FEZ2: variants seen among roughly 807,000 people sequenced by gnomAD.
FEZ2 encodes fasciculation and elongation protein zeta-2.
Under a neutral mutation model 40.4 loss-of-function variants are expected in FEZ2, and 51 were observed. That is an observed-to-expected ratio of 1.26 (90% CI 1.01 to 1.59). The LOEUF (loss-of-function observed/expected upper bound fraction) is 1.59. Among genes scored for constraint, FEZ2 ranks in the 40% most tolerant of loss-of-function variants. The pLI, the probability that FEZ2 is intolerant of heterozygous loss-of-function variation, is 0.00. For synonymous variants in FEZ2, 242 were observed against 172.0 expected (o/e 1.41, Z -3.18); for missense variants, 640 against 438.3 (o/e 1.46, Z -4.11).
At position 36,553,015 on chromosome 2, in the gene FEZ2, T is replaced by C; in HGVS notation, c.*148A>G. 1.6e-6 allele frequency: 1 copy of C among 617,278 alleles called. No homozygotes were observed. 38.2% of individuals were successfully genotyped at this position (617,278 alleles called of 1,614,324 possible). A position where few individuals can be genotyped will look rare whatever the true frequency, so the allele number is the denominator to read the frequency against. On this transcript the variant is annotated 3_prime_UTR_variant, in exon 8 of 8. Coordinates refer to ENST00000405912, the MANE Select transcript of FEZ2 (RefSeq NM_005102.3). ...TCCGTTGGTTCTATAATATAAAGAA[T>C]TAGTGTAGTCAAGATCTGTTAATAC...
chr2:36,589,371 G>A (rs1448707469), intron 2 of FEZ2, among the ~76,000 whole-genome samples: 1 of 152,206 alleles, frequency 6.6e-6, no homozygotes, highest in Non-Finnish European at 1.5e-5. Context: ...AGGGGAGTGT[G>A]TTTTCCTTCC....
intron 5 of FEZ2, among the ~76,000 whole-genome samples, chr2:36,570,748 T>A (rs972822039): frequency 1.3e-5 from 2 of 152,182 alleles, no homozygotes; most frequent in African/African-American, 4.8e-5. Flanking sequence ...TAGACAACAG[T>A]AACACAATGG....
chr2:36,583,293 G>A (rs1668804457), intron 3 of FEZ2, 60 bp downstream of exon 3: 2 of 852,038 alleles, frequency 2.3e-6, no homozygotes, highest in Non-Finnish European at 4.0e-6. Context: ...GTCATAACAA[G>A]AAGCCGTTTT....
intron 1 of FEZ2, among the ~76,000 whole-genome samples, chr2:36,597,277 G>C (rs993325970): frequency 1.3e-5 from 2 of 152,054 alleles, no homozygotes; most frequent in African/African-American, 4.8e-5. Context: ...CCACTCATCA[G>C]TCAGATCTCG....
intron 6 of FEZ2, 24 bp from the exon 7 acceptor site, chr2:36,555,772 AAGAC>A: frequency 7.1e-7 from 1 of 1,404,156 alleles, no homozygotes; most frequent in East Asian, 2.3e-5. Flanking sequence ...GAGGGGAAAA[AAGAC>A]AACAATTAAA....
intron 5 of FEZ2, among the ~76,000 whole-genome samples, chr2:36,569,532 A>T (rs1171928036): frequency 6.6e-6 from 1 of 152,264 alleles, no homozygotes; most frequent in African/African-American, 2.4e-5. Context: ...AACAATAAAA[A>T]GAAAAGAGCT....
At chr2:36,564,811 T>A (rs1668188352) in intron 5 of FEZ2, among the ~76,000 whole-genome samples, 1 of 152,136 alleles carries the variant, frequency 6.6e-6, no homozygotes, top group Non-Finnish European at 1.5e-5. Context: ...GTCTTGCAAT[T>A]CTCATTCAAT....
intron 6 of FEZ2, 192 bp from the exon 7 acceptor site, chr2:36,555,940 C>A (rs1184262273): frequency 1.5e-6 from 1 of 678,706 alleles, no homozygotes; most frequent in South Asian, 1.6e-5. Flanking sequence ...GGAGTAAGTC[C>A]ACAAGAATTT....
chr2:36,587,535 A>G (rs1324649733), intron 2 of FEZ2, among the ~76,000 whole-genome samples: 1 of 152,232 alleles, frequency 6.6e-6, no homozygotes, highest in Admixed American at 6.5e-5. Context: ...TAAAAAAGAC[A>G]TATCAAATTT....
chr2:36,584,061 C>A (rs1668832967), intron 2 of FEZ2: 1 of 152,374 alleles, frequency 6.6e-6, no homozygotes, highest in Non-Finnish European at 1.5e-5. Context: ...GCTCTGCGCT[C>A]CAGGAGGACG....
intron 5 of FEZ2, among the ~76,000 whole-genome samples, chr2:36,566,519 A>G (rs1212742544): frequency 6.6e-6 from 1 of 152,204 alleles, no homozygotes; most frequent in East Asian, 1.9e-4. Context: ...CTTCTTTCAT[A>G]TGCTCCAAAA....
In FEZ2 at chr2:36,597,834, A is replaced by G. The variant is rs978827914; in HGVS notation, c.266+43T>C. 18 of 1,310,872 alleles carry G rather than the reference A, an allele frequency of 1.4e-5. No individual in the cohort carries two copies. In the African/African-American group the frequency reaches 2.5e-4, roughly 18 times the overall value. 81.2% of individuals were successfully genotyped at this position (1,310,872 alleles called of 1,614,324 possible). A position where few individuals can be genotyped will look rare whatever the true frequency, so the allele number is the denominator to read the frequency against. ...TAGGGCTGCCGGTCGGGCGAGGGGTAGGGGAGGCTCCCGCCCACTCCCGGC... is the reference window on the plus strand; with the variant it reads ...TAGGGCTGCCGGTCGGGCGAGGGGTGGGGGAGGCTCCCGCCCACTCCCGGC... On this transcript the variant is annotated intron_variant, in intron 1 of 7. Coordinates refer to ENST00000405912, the MANE Select transcript of FEZ2 (RefSeq NM_005102.3).
In FEZ2 at chr2:36,552,609, A is replaced by G. The variant is rs930107711; in HGVS notation, c.*554T>C. The G allele has an allele frequency of 4.1e-6, 1 of 242,052 alleles. No individual in the cohort carries two copies. The highest frequency in any genetic ancestry group is 8.2e-6 in the Non-Finnish European group (1 of 122,324). 15.0% of individuals were successfully genotyped at this position (242,052 alleles called of 1,614,324 possible). A position where few individuals can be genotyped will look rare whatever the true frequency, so the allele number is the denominator to read the frequency against. ...CAAGCTACAAAATCCATCACCACCAACAGTTTCAATGTTAGCACTAAGTAT... is the reference window on the plus strand; with the variant it reads ...CAAGCTACAAAATCCATCACCACCAGCAGTTTCAATGTTAGCACTAAGTAT... On this transcript the variant is annotated 3_prime_UTR_variant, in exon 8 of 8. Coordinates refer to ENST00000405912, the MANE Select transcript of FEZ2 (RefSeq NM_005102.3).
chr2:36,578,099 T>C (rs1041775379), intron 5 of FEZ2, among the ~76,000 whole-genome samples: 1 of 152,230 alleles, frequency 6.6e-6, no homozygotes, highest in Non-Finnish European at 1.5e-5. Flanking sequence ...CTTACCTTCT[T>C]GTATTCCAAC....
At chr2:36,562,225 GAATTT>G (rs1223076801) in intron 5 of FEZ2, among the ~76,000 whole-genome samples, 1 of 151,888 alleles carries the variant, frequency 6.6e-6, no homozygotes, top group Non-Finnish European at 1.5e-5. Flanking sequence ...TCTTTATAAT[GAATTT>G]ATTTTTGGTA....
intron 1 of FEZ2, among the ~76,000 whole-genome samples, chr2:36,591,744 C>T (rs1447131644): frequency 6.6e-6 from 1 of 152,128 alleles, no homozygotes; most frequent in East Asian, 1.9e-4. Context: ...ATGGTAAGGG[C>T]ATTTGACTGA....
At position 36,552,720 on chromosome 2, in the gene FEZ2, G is replaced by A; in HGVS notation, c.*443C>T. Reference sequence around the variant, plus strand: ...TCAATCTCTCTGAACAATACTGGTAGGTAATAGTTACACTGACAATTCTCA... The same window carrying A: ...TCAATCTCTCTGAACAATACTGGTAAGTAATAGTTACACTGACAATTCTCA... On this transcript the variant is annotated 3_prime_UTR_variant, in exon 8 of 8. Transcript: ENST00000405912. 5.2e-6 allele frequency: 1 copy of A among 191,522 alleles called. No homozygotes were observed. Among genetic ancestry groups the A allele is most frequent in the Admixed American group, 5.5e-5 (1 of 18,252 alleles). The allele number at this position is 191,522 out of a possible 1,614,324, so 11.9% of individuals were successfully genotyped here.
intron 5 of FEZ2, among the ~76,000 whole-genome samples, chr2:36,570,159 T>C (rs1668367253): frequency 6.6e-6 from 1 of 152,076 alleles, no homozygotes; most frequent in South Asian, 2.1e-4. Flanking sequence ...CTTGTTTTAA[T>C]ACTTCAAATA....
chr2:36,562,903 A>G (rs1668129423), intron 5 of FEZ2, among the ~76,000 whole-genome samples: 1 of 152,328 alleles, frequency 6.6e-6, no homozygotes, highest in Middle Eastern at 3.4e-3. Flanking sequence ...ACCTGGCTCC[A>G]TTATCTATGA....
Sources: gnomAD v4.1 joint callset for allele counts (sites outside exome capture counted in the v4.1 genomes callset) on GRCh38, gnomAD v4.1.1 for gene constraint, MANE v1.5 for transcripts, NCBI Gene and HGNC (gene_info 2026-07-23, HGNC 2026-07-21) for gene names.